Variants in STK39 observed in about 807,000 individuals in gnomAD.
The protein encoded by STK39 is STE20/SPS1-related proline-alanine-rich protein kinase.
STK39 carries 20 observed loss-of-function variants against 77.8 expected under a neutral mutation model. The observed-to-expected ratio is 0.26, with a 90% CI of 0.18 to 0.37. STK39 has a LOEUF of 0.37. Ranked by LOEUF, STK39 falls within the 10% of genes least tolerant of loss-of-function variation. The pLI is 1.00. For missense variants in STK39, 479 were observed against 656.5 expected, an observed-to-expected ratio of 0.73 and a Z score of 2.95; for synonymous variants, 246 against 234.1, an observed-to-expected ratio of 1.05 and a Z score of -0.47.
intron 10 of STK39, among the ~76,000 whole-genome samples, chr2:168,082,683 C>T (rs572878079): frequency 1.3e-5 from 2 of 152,382 alleles, no homozygotes; most frequent in African/African-American, 4.8e-5. Context: ...TCACTAGACA[C>T]TGTTGCCCTG....
At chr2:168,125,780 A>G (rs1467591658) in intron 10 of STK39, among the ~76,000 whole-genome samples, 1 of 152,128 alleles carries the variant, frequency 6.6e-6, no homozygotes, top group Non-Finnish European at 1.5e-5. Flanking sequence ...TCCATTTTCT[A>G]TTTTTTCGTG....
rs755613797 is a variant in STK39, at chr2:168,247,061, T to TA, written c.208+166dup. Among the ~76,000 whole-genome samples the TA allele has an allele frequency of 3.3e-3, 294 of 89,176 alleles. 2 individuals are homozygous for TA. Among genetic ancestry groups the TA allele is most frequent in the African/African-American group, 5.5e-3 (119 of 21,712 alleles). 58.5% of individuals were successfully genotyped at this position (89,176 alleles called of 152,430 possible). The stretch of plus-strand genomic sequence containing the variant: ...TAGAACGAACAAATACATTAAAAAT[T>TA]AAAAAAAAAAAAAAAAAAAAAAAAA... On this transcript the variant is annotated intron_variant, in intron 1 of 17. Coordinates refer to ENST00000355999, the MANE Select transcript of STK39 (RefSeq NM_013233.3).
At chr2:168,091,993 T>G (rs181346216) in intron 10 of STK39, among the ~76,000 whole-genome samples, 6 of 152,350 alleles carry the variant, frequency 3.9e-5, no homozygotes, top group Admixed American at 3.9e-4. Flanking sequence ...TCCTACTGTC[T>G]CAAAAATGAC....
intron 16 of STK39, among the ~76,000 whole-genome samples, chr2:167,965,125 AAAAAAAAAAC>A (rs147409999): frequency 0.3 from 36,547 of 120,434 alleles, 5,018 homozygotes; most frequent in African/African-American, 0.46. Context: ...TAGTGGGGAG[AAAAAAAAAAC>A]AAAAAAAAAC....
intron 16 of STK39, among the ~76,000 whole-genome samples, chr2:167,998,247 C>A (rs1170082101): frequency 2.0e-5 from 3 of 152,198 alleles, no homozygotes; most frequent in Non-Finnish European, 4.4e-5. Flanking sequence ...GTTAGCTAAA[C>A]AAGAACTTAC....
intron 1 of STK39, among the ~76,000 whole-genome samples, chr2:168,228,154 C>T (rs934822000): frequency 4.6e-5 from 7 of 152,208 alleles, no homozygotes; most frequent in African/African-American, 1.4e-4. Flanking sequence ...ACACTTAACA[C>T]ACTTTGCAGT....
chr2:168,229,692 G>T (rs1256686971), intron 1 of STK39, among the ~76,000 whole-genome samples: 1 of 152,180 alleles, frequency 6.6e-6, no homozygotes, highest in Non-Finnish European at 1.5e-5. Flanking sequence ...TTTTCGGGCT[G>T]TGACAAATCT....
chr2:168,032,464 G>T (rs1684853053), intron 14 of STK39, among the ~76,000 whole-genome samples: 1 of 152,184 alleles, frequency 6.6e-6, no homozygotes, highest in African/African-American at 2.4e-5. Context: ...TAATGAAAAA[G>T]ATACACCCAA....
At chr2:168,030,025 G>C (rs1374265407) in intron 14 of STK39, among the ~76,000 whole-genome samples, 2 of 152,152 alleles carry the variant, frequency 1.3e-5, no homozygotes, top group African/African-American at 4.8e-5. Context: ...CGGATCACGA[G>C]GTCAGGAGAT....
At chr2:168,006,602 T>A (rs1469099840) in intron 16 of STK39, among the ~76,000 whole-genome samples, 1 of 152,190 alleles carries the variant, frequency 6.6e-6, no homozygotes, top group Non-Finnish European at 1.5e-5. Flanking sequence ...TCTTTCCATT[T>A]GTCAGCCAAC....
chr2:168,133,164 A>G (rs762883181), intron 8 of STK39, among the ~76,000 whole-genome samples: 6 of 152,146 alleles, frequency 3.9e-5, no homozygotes, highest in Non-Finnish European at 7.4e-5. Context: ...CTGTAGAGAG[A>G]AAGCTGGGAA....
At chr2:168,136,140 G>A (rs1372206637) in intron 8 of STK39, among the ~76,000 whole-genome samples, 5 of 151,890 alleles carry the variant, frequency 3.3e-5, no homozygotes, top group Non-Finnish European at 5.9e-5. Context: ...AGGCCAAGGC[G>A]GGCGAATCAC....
At chr2:168,174,414 T>G (rs767865543) in intron 2 of STK39, among the ~76,000 whole-genome samples, 16 of 152,166 alleles carry the variant, frequency 1.1e-4, no homozygotes, top group Non-Finnish European at 1.9e-4. Context: ...AAAATTCGCT[T>G]GGAAGTGAAG....
At chr2:168,030,859 A>G (rs971369503) in intron 14 of STK39, among the ~76,000 whole-genome samples, 1 of 152,248 alleles carries the variant, frequency 6.6e-6, no homozygotes, top group African/African-American at 2.4e-5. Flanking sequence ...CACAGAAAGT[A>G]ACATTGTTCC....
chr2:168,005,856 C>T (rs1327936871), intron 16 of STK39, among the ~76,000 whole-genome samples: 2 of 152,174 alleles, frequency 1.3e-5, no homozygotes, highest in African/African-American at 4.8e-5. Flanking sequence ...AAACATGATT[C>T]TTCATGTGCA....
intron 1 of STK39, among the ~76,000 whole-genome samples, chr2:168,217,616 G>A (rs769099543): frequency 2.0e-4 from 31 of 152,158 alleles, no homozygotes; most frequent in Non-Finnish European, 3.8e-4. Flanking sequence ...ATAAAATGAT[G>A]TAGTATTTGC....
At chr2:168,027,948 C>T (rs1684742253) in intron 14 of STK39, among the ~76,000 whole-genome samples, 1 of 152,180 alleles carries the variant, frequency 6.6e-6, no homozygotes, top group African/African-American at 2.4e-5. Context: ...AAATCGCATG[C>T]AGAAATATAA....
At chr2:168,112,390 C>T (rs527459428) in intron 10 of STK39, among the ~76,000 whole-genome samples, 1 of 152,148 alleles carries the variant, frequency 6.6e-6, no homozygotes, top group South Asian at 2.1e-4. Context: ...GTGATTGGAT[C>T]ATGGGGGTGG....
chr2:168,247,084 A>AC (rs1447237565), intron 1 of STK39, 144 bp downstream of exon 1: 14 of 298,952 alleles, frequency 4.7e-5, no homozygotes, highest in Admixed American at 7.0e-5. Context: ...AAAAAAAAAA[A>AC]AAAAACTGTT....
Sources: gnomAD v4.1 joint callset for allele counts (sites outside exome capture counted in the v4.1 genomes callset) on GRCh38, gnomAD v4.1.1 for gene constraint, MANE v1.5 for transcripts, NCBI Gene and HGNC (gene_info 2026-07-23, HGNC 2026-07-21) for gene names.